Variants in GPC5 observed in about 807,000 individuals in gnomAD.
The protein encoded by GPC5 is glypican-5.
GPC5 carries 47 observed loss-of-function variants against 53.9 expected under a neutral mutation model. That is an observed-to-expected ratio of 0.87 (90% CI 0.69 to 1.11). GPC5 has a LOEUF of 1.11. Ranked by LOEUF, GPC5 falls within the 50% of genes most tolerant of loss-of-function variation. The pLI is 0.00. For synonymous variants in GPC5, 286 were observed against 263.3 expected, an observed-to-expected ratio of 1.09 and a Z score of -0.84; for missense variants, 748 against 713.1, an observed-to-expected ratio of 1.05 and a Z score of -0.56.
At chr13:92,862,622 T>C (rs919137501) in intron 7 of GPC5, among the ~76,000 whole-genome samples, 6 of 124,552 alleles carry the variant, frequency 4.8e-5, no homozygotes, top group South Asian at 2.8e-4. Flanking sequence ...TGGAGATAGA[T>C]AGACAGATAG....
At chr13:92,483,632 T>G (rs1879439827) in intron 7 of GPC5, among the ~76,000 whole-genome samples, 1 of 151,550 alleles carries the variant, frequency 6.6e-6, no homozygotes, top group Non-Finnish European at 1.5e-5. Flanking sequence ...ATATTTCTTT[T>G]TCTTCAATAA....
At chr13:92,396,609 T>TGTCG (rs1875289464) in intron 7 of GPC5, among the ~76,000 whole-genome samples, 1 of 152,244 alleles carries the variant, frequency 6.6e-6, no homozygotes, top group African/African-American at 2.4e-5. Flanking sequence ...CATGGTAGTT[T>TGTCG]GTCGCACCTA....
chr13:92,204,046 T>G (rs1264155703), intron 7 of GPC5, among the ~76,000 whole-genome samples: 1 of 152,222 alleles, frequency 6.6e-6, no homozygotes, highest in Non-Finnish European at 1.5e-5. Flanking sequence ...AAAGCTCATG[T>G]TATATTAAAA....
intron 7 of GPC5, among the ~76,000 whole-genome samples, chr13:92,146,051 T>C (rs1179383251): frequency 6.6e-6 from 1 of 152,178 alleles, no homozygotes; most frequent in Non-Finnish European, 1.5e-5. Flanking sequence ...AAAAAGGCAG[T>C]TAACATAATG....
At chr13:91,894,274 T>G (rs7982839) in intron 5 of GPC5, among the ~76,000 whole-genome samples, 1,844 of 151,764 alleles carry the variant, frequency 0.012, 14 homozygotes, top group African/African-American at 0.023. Context: ...TTGTTTGTTT[T>G]TTAATCTTGG....
chr13:92,666,478 A>T (rs1933189), intron 7 of GPC5, among the ~76,000 whole-genome samples: 15 of 151,924 alleles, frequency 9.9e-5, no homozygotes, highest in East Asian at 3.9e-4. Flanking sequence ...TGTTCTAATT[A>T]AAAAAATGCT....
chr13:91,701,436 A>C (rs893607649), intron 3 of GPC5, among the ~76,000 whole-genome samples: 2 of 152,118 alleles, frequency 1.3e-5, no homozygotes, highest in African/African-American at 4.8e-5. Flanking sequence ...AGATTCATAC[A>C]ACATTTGTCT....
rs184123860 is a variant in GPC5, at chr13:92,784,488, T to C, written c.1562-81794T>C. Among the ~76,000 whole-genome samples the C allele has an allele frequency of 2.8e-4, 42 of 152,242 alleles. No homozygotes were observed. In the East Asian group the frequency reaches 6.9e-3, roughly 25 times the overall value. On this transcript the variant is annotated intron_variant, in intron 7 of 7. Transcript: ENST00000377067. ...TACTCACAGTCTCCCTTTTTTTTTTTACAGATGTAATGTATGGGTTGATAA... is the reference window on the plus strand; with the variant it reads ...TACTCACAGTCTCCCTTTTTTTTTTCACAGATGTAATGTATGGGTTGATAA...
intron 2 of GPC5, among the ~76,000 whole-genome samples, chr13:91,553,797 A>C (rs1372690205): frequency 6.6e-6 from 1 of 152,110 alleles, no homozygotes; most frequent in African/African-American, 2.4e-5. Context: ...CAAAAGGAAT[A>C]AAAAGCTCTC....
intron 6 of GPC5, among the ~76,000 whole-genome samples, chr13:92,083,106 T>G (rs1225926854): frequency 1.3e-5 from 2 of 152,202 alleles, no homozygotes; most frequent in African/African-American, 4.8e-5. Context: ...CTGCTATATA[T>G]AGATACAATA....
At chr13:91,852,934 C>T (rs1290120886) in intron 5 of GPC5, among the ~76,000 whole-genome samples, 1 of 152,074 alleles carries the variant, frequency 6.6e-6, no homozygotes, top group Non-Finnish European at 1.5e-5. Flanking sequence ...CTAGGACAGG[C>T]ACCATTCTAG....
intron 7 of GPC5, among the ~76,000 whole-genome samples, chr13:92,174,998 C>T (rs749172349): frequency 2.0e-5 from 3 of 152,082 alleles, no homozygotes; most frequent in South Asian, 2.1e-4. Flanking sequence ...TACAGGGATG[C>T]GCCACCACGT....
chr13:92,141,754 C>G (rs548874775), intron 6 of GPC5, among the ~76,000 whole-genome samples: 30 of 152,272 alleles, frequency 2.0e-4, no homozygotes, highest in African/African-American at 6.7e-4. Flanking sequence ...GTCAGCCTAG[C>G]TTGACTCAGT....
At chr13:92,209,677 TA>T (rs572224973) in intron 7 of GPC5, among the ~76,000 whole-genome samples, 27 of 150,070 alleles carry the variant, frequency 1.8e-4, no homozygotes, top group African/African-American at 3.9e-4. Flanking sequence ...GCATTAACTG[TA>T]AAAAAAAAAT....
chr13:91,851,273 A>G (rs1160250154), intron 5 of GPC5, among the ~76,000 whole-genome samples: 2 of 152,260 alleles, frequency 1.3e-5, no homozygotes, highest in South Asian at 2.1e-4. Flanking sequence ...GTGTAAGTAA[A>G]CAGATCTAAA....
chr13:92,378,356 T>C (rs1320957139), intron 7 of GPC5, among the ~76,000 whole-genome samples: 3 of 152,196 alleles, frequency 2.0e-5, no homozygotes, highest in Non-Finnish European at 4.4e-5. Context: ...TCCATGGGTG[T>C]TCATCATTTC....
At chr13:92,573,304 T>C (rs914898694) in intron 7 of GPC5, among the ~76,000 whole-genome samples, 1 of 152,202 alleles carries the variant, frequency 6.6e-6, no homozygotes, top group African/African-American at 2.4e-5. Context: ...GGTTCATGAA[T>C]CTAAACCATT....
chr13:92,100,318 C>T (rs930292812), intron 6 of GPC5, among the ~76,000 whole-genome samples: 2 of 152,068 alleles, frequency 1.3e-5, no homozygotes, highest in East Asian at 3.9e-4. Flanking sequence ...CAGAGAATTG[C>T]TTTAACCTGG....
chr13:92,133,854 CAT>C (rs1423184468), intron 6 of GPC5, among the ~76,000 whole-genome samples: 2 of 152,092 alleles, frequency 1.3e-5, no homozygotes. Context: ...GTAGAAAATA[CAT>C]GTTTTTTTCT....
Sources: allele counts gnomAD v4.1 joint callset (sites outside exome capture counted in the v4.1 genomes callset), GRCh38; gene constraint gnomAD v4.1.1; transcripts MANE v1.5; gene names NCBI Gene and HGNC (gene_info 2026-07-23, HGNC 2026-07-21).